Variants in KPNA2 observed in about 807,000 individuals in gnomAD.
KPNA2 encodes importin subunit alpha-1.
A neutral mutation model predicts 53.7 loss-of-function variants in KPNA2; 20 were observed. The observed-to-expected ratio is 0.37, with a 90% CI of 0.26 to 0.54. The LOEUF is 0.54. Among genes scored for constraint, KPNA2 ranks in the 20% least tolerant of loss-of-function variants. The probability of loss-of-function intolerance (pLI) is 0.83; values close to 1 mark genes in which losing one functional copy is unlikely to be tolerated. For missense variants in KPNA2, 515 were observed against 640.3 expected (o/e 0.80, Z 2.11); for synonymous variants, 238 against 227.5 (o/e 1.05, Z -0.42).
chr17:68,043,699 A>T (rs1555704975), intron 7 of KPNA2, 139 bp from the exon 8 acceptor site: 4 of 595,532 alleles, frequency 6.7e-6, no homozygotes, highest in South Asian at 6.1e-5. Flanking sequence ...AAAAAAAAAA[A>T]GCATAATCAG....
intron 9 of KPNA2, among the ~76,000 whole-genome samples, chr17:68,045,239 A>G (rs1555705256): frequency 6.6e-6 from 1 of 151,972 alleles, no homozygotes; most frequent in Non-Finnish European, 1.5e-5. Flanking sequence ...TGTTTTTTTC[A>G]TCTATAGATA....
chr17:68,045,967 T>G, intron 10 of KPNA2, 46 bp downstream of exon 10: 1 of 1,301,596 alleles, frequency 7.7e-7, no homozygotes, highest in Non-Finnish European at 1.0e-6. Context: ...AAACATAAAG[T>G]CAAGGCCATA....
At chr17:68,037,603 C>G in intron 3 of KPNA2, 108 bp downstream of exon 3, 1 of 1,082,864 alleles carries the variant, frequency 9.2e-7, no homozygotes. Context: ...ACGGTTTTAA[C>G]TATCTGTGAA....
Position 68,044,077 on chromosome 17 carries a change from G to T in KPNA2, c.1164+6G>T. 6.3e-7 allele frequency: 1 copy of T among 1,590,540 alleles called. No homozygotes were observed. The highest frequency in any genetic ancestry group is 8.6e-7 in the Non-Finnish European group (1 of 1,158,826). ...TTGTCAGTGTTCTCTCTAAGGTAAC[G>T]AAGTCTTAGGATTTAATCAAGTCAT... is the stretch of plus-strand genomic sequence containing the variant. On this transcript the variant is annotated splice_donor_region_variant and intron_variant, in intron 8 of 10. Coordinates refer to ENST00000330459, the MANE Select transcript of KPNA2 (RefSeq NM_002266.4).
rs1555705318 is a variant in KPNA2, at chr17:68,045,771, G to C, written c.1348-1G>C. 1 of 1,522,196 alleles carries C rather than the reference G, an allele frequency of 6.6e-7. No individual in the cohort carries two copies. Among genetic ancestry groups the C allele is most frequent in the Admixed American group, 2.2e-5 (1 of 45,762 alleles). 94.3% of individuals were successfully genotyped at this position (1,522,196 alleles called of 1,614,324 possible). The stretch of plus-strand genomic sequence containing the variant: ...TAAACTTGGATTTTTTTTTTTTTTA[G>C]GCTGCTGAGAAACTAGGTGAAACTG... On this transcript the variant is annotated splice_acceptor_variant, in intron 9 of 10. Coordinates refer to ENST00000330459, the MANE Select transcript of KPNA2 (RefSeq NM_002266.4). LOFTEE classifies it high-confidence loss of function.
chr17:68,041,537 G>A (rs971757755), intron 4 of KPNA2, among the ~76,000 whole-genome samples: 10 of 152,126 alleles, frequency 6.6e-5, no homozygotes, highest in Admixed American at 2.6e-4. Context: ...CCAGCATGGC[G>A]ACAGAGCAAG....
intron 2 of KPNA2, 46 bp from the exon 3 acceptor site, chr17:68,037,312 C>G (rs1317154871): frequency 1.3e-6 from 2 of 1,593,156 alleles, no homozygotes; most frequent in Non-Finnish European, 1.7e-6. Context: ...CACTTAGCAA[C>G]AAAAACTGGT....
Position 68,045,918 on chromosome 17 carries a change from A to G in KPNA2, c.1494A>G (p.Val498=), listed in dbSNP as rs2071324088. 1 of 1,566,436 alleles carries G rather than the reference A, an allele frequency of 6.4e-7. No individual in the cohort carries two copies. The highest frequency in any genetic ancestry group is 8.7e-7 in the Non-Finnish European group (1 of 1,153,592). The change falls in exon 10 of 11, where the codon GTA becomes GTG. Residue 498 remains valine, a synonymous_variant. Transcript: ENST00000330459. ...SLSLIEKYFS[V]EEEEDQNVVP... is the part of the protein sequence containing the mutation. ...GCTTAATTGAGAAGTATTTCTCTGT[A>G]GAGGTGAGTAATGGATGGTAATATT...
Position 68,037,355 on chromosome 17 carries a change from A to C in KPNA2, c.76-3A>C. The C allele has an allele frequency of 6.2e-7, 1 of 1,610,152 alleles. No homozygotes were observed. The highest frequency in any genetic ancestry group is 8.5e-7 in the Non-Finnish European group (1 of 1,178,882). On this transcript the variant is annotated splice_region_variant and splice_polypyrimidine_tract_variant and intron_variant, in intron 2 of 10. Coordinates refer to ENST00000330459, the MANE Select transcript of KPNA2 (RefSeq NM_002266.4). ...GTGAAACGGCATGTTATCTTTTCTC[A>C]AGGAAATGAGGCGTCGCAGAATAGA...
intron 3 of KPNA2, 67 bp from the exon 4 acceptor site, chr17:68,040,607 CAAGT>C: frequency 2.0e-6 from 2 of 1,018,510 alleles, no homozygotes; most frequent in South Asian, 2.7e-5. Flanking sequence ...CTTGCCTTCA[CAAGT>C]AAGTGTGGAT....
chr17:68,040,173 C>T (rs546533928), intron 3 of KPNA2, among the ~76,000 whole-genome samples: 2 of 151,876 alleles, frequency 1.3e-5, no homozygotes, highest in East Asian at 1.9e-4. Flanking sequence ...TTGAGACTAA[C>T]GTAGAAATAA....
At position 68,044,044 on chromosome 17, in the gene KPNA2, C is replaced by T; in HGVS notation, c.1137C>T (p.Val379=). 1.9e-6 allele frequency: 3 copies of T among 1,613,420 alleles called. No individual in the cohort carries two copies. The highest frequency in any genetic ancestry group is 2.5e-6 in the Non-Finnish European group (3 of 1,179,392). ...QIQQVVNHGL[V]PFLVSVLSKA... ...AGCAAGTTGTGAATCATGGATTAGTCCCATTCCTTGTCAGTGTTCTCTCTA... is the reference window on the plus strand; with the variant it reads ...AGCAAGTTGTGAATCATGGATTAGTTCCATTCCTTGTCAGTGTTCTCTCTA... Residue 379 remains valine, a synonymous_variant, in exon 8 of 11, where the codon GTC becomes GTT. Coordinates refer to ENST00000330459, the MANE Select transcript of KPNA2 (RefSeq NM_002266.4).
At chr17:68,042,471 T>C in intron 5 of KPNA2, 118 bp downstream of exon 5, 1 of 1,092,828 alleles carries the variant, frequency 9.2e-7, no homozygotes, top group Non-Finnish European at 1.3e-6. Context: ...CAAGCCCTTA[T>C]TAGGAATGAA....
chr17:68,038,070 G>A (rs782766294), intron 3 of KPNA2, among the ~76,000 whole-genome samples: 8 of 152,086 alleles, frequency 5.3e-5, no homozygotes, highest in Non-Finnish European at 1.0e-4. Flanking sequence ...TCCATCTCCC[G>A]GGTTCACGCC....
chr17:68,040,080 A>G (rs1171494958), intron 3 of KPNA2, among the ~76,000 whole-genome samples: 1 of 147,876 alleles, frequency 6.8e-6, no homozygotes, highest in Non-Finnish European at 1.5e-5. Context: ...CTCCGTCTCA[A>G]AAAAAAAAAG....
chr17:68,037,197 A>G lies in KPNA2; in HGVS notation c.65A>G (p.Lys22Arg), dbSNP rs782516248. ...ARLHRFKNKG[K>R]DSTEMRRRRI... ...CTTCACAGATTCAAGAACAAGGGAA[A>G]AGACAGTACAGTGAGTACCTTCTGT... The change falls in exon 2 of 11, where the codon AAA becomes AGA. Residue 22 changes from lysine (K) to arginine (R), a missense_variant. Transcript: ENST00000330459. 6.2e-6 allele frequency: 10 copies of G among 1,612,632 alleles called. No individual in the cohort carries two copies. The highest frequency in any genetic ancestry group is 8.5e-6 in the Non-Finnish European group (10 of 1,179,126).
At chr17:68,042,004 A>T in intron 4 of KPNA2, 81 bp from the exon 5 acceptor site, 1 of 1,238,432 alleles carries the variant, frequency 8.1e-7, no homozygotes, top group African/African-American at 1.5e-5. Flanking sequence ...AAACTCTTGA[A>T]TTGCATTTTA....
At chr17:68,040,613 A>G in intron 3 of KPNA2, 65 bp from the exon 4 acceptor site, 2 of 1,061,462 alleles carry the variant, frequency 1.9e-6, no homozygotes, top group Non-Finnish European at 2.9e-6. Context: ...TTCACAAGTA[A>G]GTGTGGATTT....
chr17:68,043,483 C>T, intron 7 of KPNA2, 120 bp downstream of exon 7: 1 of 934,776 alleles, frequency 1.1e-6, no homozygotes, highest in Admixed American at 2.2e-5. Flanking sequence ...GCAGGTGGAT[C>T]ACCTGAGGTC....
Sources: gnomAD v4.1 joint callset for allele counts (sites outside exome capture counted in the v4.1 genomes callset) on GRCh38, gnomAD v4.1.1 for gene constraint, MANE v1.5 for transcripts, NCBI Gene and HGNC (gene_info 2026-07-23, HGNC 2026-07-21) for gene names.